The following TENM2 variants were observed in gnomAD, a reference collection of about 807,000 sequenced individuals.
TENM2 encodes teneurin-2.
TENM2 carries 52 observed loss-of-function variants against 245.2 expected under a neutral mutation model. The observed-to-expected ratio is 0.21, with a 90% CI of 0.17 to 0.27. The LOEUF is 0.27. Ranked by LOEUF, TENM2 falls within the 10% of genes least tolerant of loss-of-function variation. The pLI, the probability that TENM2 is intolerant of heterozygous loss-of-function variation, is 1.00. For synonymous variants in TENM2, 1,363 were observed against 1,438.9 expected (o/e 0.95, Z 1.19); for missense variants, 3,046 against 3,666.8 (o/e 0.83, Z 4.37).
intron 25 of TENM2, among the ~76,000 whole-genome samples, chr5:168,238,224 G>GAAAAGAAAAGAAAAGAA (rs1765726138): frequency 3.9e-5 from 2 of 51,884 alleles, no homozygotes; most frequent in Non-Finnish European, 7.9e-5. Context: ...GGAGAGAGAA[G>GAAAAGAAAAGAAAAGAA]AAAAGAAAAG....
the TENM2 span, among the ~76,000 whole-genome samples, chr5:167,257,962 G>A: frequency 1.3e-5 from 2 of 151,822 alleles, no homozygotes; most frequent in Non-Finnish European, 2.9e-5. Flanking sequence ...GACTAGGAAA[G>A]GACCAAAGTT....
At chr5:167,586,942 A>G (rs921866192) in intron 2 of TENM2, among the ~76,000 whole-genome samples, 2 of 152,194 alleles carry the variant, frequency 1.3e-5, no homozygotes, top group Non-Finnish European at 2.9e-5. Context: ...TGTTAATGTT[A>G]ATTAGTAATT....
intron 1 of TENM2, among the ~76,000 whole-genome samples, chr5:167,362,716 G>T (rs1008955278): frequency 3.9e-5 from 6 of 152,150 alleles, no homozygotes; most frequent in African/African-American, 1.4e-4. Flanking sequence ...GTAAGATATT[G>T]CATTACTTAA....
chr5:167,148,399 A>C, the TENM2 span, among the ~76,000 whole-genome samples: 2 of 152,152 alleles, frequency 1.3e-5, no homozygotes, highest in Non-Finnish European at 2.9e-5. Flanking sequence ...TTGACATTAC[A>C]TTTCTTTTGG....
chr5:168,013,855 C>G (rs888779705), intron 5 of TENM2, among the ~76,000 whole-genome samples: 2 of 152,324 alleles, frequency 1.3e-5, no homozygotes, highest in East Asian at 1.9e-4. Context: ...AGTCCACGCT[C>G]TCCCTGAAAG....
At chr5:167,495,244 GTT>G (rs58976192) in intron 2 of TENM2, among the ~76,000 whole-genome samples, 40 of 143,136 alleles carry the variant, frequency 2.8e-4, no homozygotes, top group South Asian at 4.4e-4. Flanking sequence ...TTTGTTTTTT[GTT>G]TTTTTTTTTT....
the TENM2 span, among the ~76,000 whole-genome samples, chr5:167,003,161 A>G: frequency 1.3e-5 from 2 of 152,166 alleles, no homozygotes; most frequent in East Asian, 3.9e-4. Context: ...TTTACTTTAA[A>G]CCATGCAAGT....
At chr5:167,309,471 A>G (rs1755887524) in intron 1 of TENM2, among the ~76,000 whole-genome samples, 1 of 152,210 alleles carries the variant, frequency 6.6e-6, no homozygotes, top group South Asian at 2.1e-4. Flanking sequence ...AGGAACATCT[A>G]TAGAATAGAC....
At chr5:167,676,369 G>C (rs537712208) in intron 2 of TENM2, among the ~76,000 whole-genome samples, 16 of 151,926 alleles carry the variant, frequency 1.1e-4, no homozygotes, top group Non-Finnish European at 2.1e-4. Flanking sequence ...CTGTCAAAAC[G>C]CAAGATGTGG....
chr5:167,646,507 C>G (rs1358181211), intron 2 of TENM2, among the ~76,000 whole-genome samples: 3 of 151,396 alleles, frequency 2.0e-5, no homozygotes, highest in Non-Finnish European at 4.4e-5. Context: ...GGAAACCAAG[C>G]TGAACCTCGG....
At chr5:167,644,523 C>T (rs1197985988) in intron 2 of TENM2, among the ~76,000 whole-genome samples, 1 of 152,164 alleles carries the variant, frequency 6.6e-6, no homozygotes, top group African/African-American at 2.4e-5. Context: ...TGGTGACATG[C>T]ACTCAGTAAA....
At chr5:167,846,519 C>A (rs1038960185) in intron 2 of TENM2, among the ~76,000 whole-genome samples, 7 of 152,164 alleles carry the variant, frequency 4.6e-5, no homozygotes, top group African/African-American at 1.7e-4. Context: ...CCTAGAAGTG[C>A]TGGGGAGTCT....
intron 25 of TENM2, chr5:168,229,611 A>C (rs1449956265): frequency 6.6e-6 from 1 of 152,070 alleles, no homozygotes; most frequent in African/African-American, 2.4e-5. Context: ...GAGTTTATCA[A>C]ATGCTTTGGA....
chr5:167,273,069 A>C, the TENM2 span, among the ~76,000 whole-genome samples: 4 of 152,198 alleles, frequency 2.6e-5, no homozygotes, highest in East Asian at 1.9e-4. Context: ...TAACAAGTCA[A>C]CCCCCTTAAG....
intron 5 of TENM2, among the ~76,000 whole-genome samples, chr5:168,017,492 G>T (rs1785760157): frequency 1.3e-5 from 2 of 152,172 alleles, no homozygotes; most frequent in African/African-American, 4.8e-5. Flanking sequence ...ACTTTATTTG[G>T]CACTGTTTGT....
intron 2 of TENM2, among the ~76,000 whole-genome samples, chr5:167,713,610 G>T (rs1024312365): frequency 6.6e-6 from 1 of 152,062 alleles, no homozygotes; most frequent in Non-Finnish European, 1.5e-5. Context: ...GCACATACAT[G>T]TGCACCTCCA....
chr5:168,259,613 G>A (rs1212636321), intron 27 of TENM2, among the ~76,000 whole-genome samples: 1 of 152,138 alleles, frequency 6.6e-6, no homozygotes. Context: ...AGGAAGGCTG[G>A]AGAAAGCCTC....
chr5:167,458,857 G>T (rs970830959), intron 2 of TENM2, among the ~76,000 whole-genome samples: 3 of 152,226 alleles, frequency 2.0e-5, no homozygotes, highest in Admixed American at 2.0e-4. Flanking sequence ...GTGGGTGAAA[G>T]CTGGAGCCAG....
intron 12 of TENM2, among the ~76,000 whole-genome samples, chr5:168,144,329 C>T (rs971401631): frequency 6.6e-6 from 1 of 152,062 alleles, no homozygotes; most frequent in Non-Finnish European, 1.5e-5. Flanking sequence ...ATCCCTCCCC[C>T]CTACCCCCAC....
Sources: gnomAD v4.1 joint callset for allele counts (sites outside exome capture counted in the v4.1 genomes callset) on GRCh38, gnomAD v4.1.1 for gene constraint, MANE v1.5 for transcripts, NCBI Gene and HGNC (gene_info 2026-07-23, HGNC 2026-07-21) for gene names.